The following EPHB1 variants were observed in gnomAD, a reference collection of about 807,000 sequenced individuals.
EPHB1 encodes the protein EPH receptor B1.
A neutral mutation model predicts 94.4 loss-of-function variants in EPHB1; 30 were observed. The observed-to-expected ratio is 0.32, with a 90% CI of 0.24 to 0.43. The LOEUF (loss-of-function observed/expected upper bound fraction) is 0.43. Among genes scored for constraint, EPHB1 ranks in the 20% least tolerant of loss-of-function variants. The pLI is 1.00. For missense variants in EPHB1, 1,055 were observed against 1,308.3 expected (o/e 0.81, Z 2.99); for synonymous variants, 522 against 489.1 (o/e 1.07, Z -0.89).
At chr3:135,255,504 A>T (rs1933341282) in intron 15 of EPHB1, among the ~76,000 whole-genome samples, 1 of 145,802 alleles carries the variant, frequency 6.9e-6, no homozygotes, top group Non-Finnish European at 1.5e-5. Context: ...CAGGTTGTTC[A>T]GTTTCCATGT....
chr3:135,062,896 C>A (rs767358815), intron 3 of EPHB1, among the ~76,000 whole-genome samples: 11 of 152,166 alleles, frequency 7.2e-5, no homozygotes, highest in Non-Finnish European at 1.6e-4. Context: ...CTTCATTCTC[C>A]TATATGTGGT....
rs1933008831 is a variant in EPHB1 at position 134,951,092 on chromosome 3, C to G, written c.124-279C>G. Among the ~76,000 whole-genome samples, 1 of 152,156 alleles carries G rather than the reference C, an allele frequency of 6.6e-6. No individual in the cohort carries two copies. Among genetic ancestry groups the G allele is most frequent in the South Asian group, 2.1e-4 (1 of 4,832 alleles). ...ATGTTGTCCCCATGGATGTAATAAG[C>G]TAGTCACAGAATGAGCATTATGGGT... On this transcript the variant is annotated intron_variant, in intron 2 of 15. Coordinates refer to ENST00000398015, the MANE Select transcript of EPHB1 (RefSeq NM_004441.5). The surrounding 1 kb of genome is among the most constrained non-coding windows in gnomAD (Gnocchi z 4.5).
intron 3 of EPHB1, among the ~76,000 whole-genome samples, chr3:135,043,496 C>T (rs753192559): frequency 6.6e-6 from 1 of 151,970 alleles, no homozygotes; most frequent in Non-Finnish European, 1.5e-5. Flanking sequence ...GGAGTGAAGT[C>T]TCTCCCCAGC....
intron 1 of EPHB1, among the ~76,000 whole-genome samples, chr3:134,851,032 T>C (rs778551577): frequency 1.3e-5 from 2 of 152,244 alleles, no homozygotes; most frequent in African/African-American, 2.4e-5. Flanking sequence ...GGTTGGACCA[T>C]TGCCTTCTTT....
intron 6 of EPHB1, among the ~76,000 whole-genome samples, chr3:135,155,586 T>G (rs1439257343): frequency 1.3e-5 from 2 of 151,826 alleles, no homozygotes; most frequent in Non-Finnish European, 2.9e-5. Context: ...GGCAGATCAG[T>G]GGCGCTCAGG....
At chr3:135,138,638 G>C (rs1309012848) in intron 5 of EPHB1, among the ~76,000 whole-genome samples, 3 of 152,066 alleles carry the variant, frequency 2.0e-5, no homozygotes, top group Non-Finnish European at 2.9e-5. Context: ...GGCAAAATTT[G>C]CTCCAACACA....
chr3:135,002,568 G>A (rs1935224327), intron 3 of EPHB1, among the ~76,000 whole-genome samples: 1 of 151,604 alleles, frequency 6.6e-6, no homozygotes, highest in African/African-American at 2.4e-5. Context: ...GTAGAATTTG[G>A]CTGTGAATCC....
intron 1 of EPHB1, among the ~76,000 whole-genome samples, chr3:134,903,030 C>T (rs1263898946): frequency 6.6e-6 from 1 of 152,222 alleles, no homozygotes; most frequent in Non-Finnish European, 1.5e-5. Flanking sequence ...CCGCAGGTTG[C>T]CCTTGCAGGC....
At chr3:135,020,651 A>G (rs1413078185) in intron 3 of EPHB1, among the ~76,000 whole-genome samples, 1 of 152,206 alleles carries the variant, frequency 6.6e-6, no homozygotes, top group Admixed American at 6.5e-5. Context: ...TTAAATTTTT[A>G]TGTATTGACT....
rs181735842 is a variant in EPHB1, at chr3:135,120,977, A to G, written c.962-11737A>G. Among the ~76,000 whole-genome samples the G allele has an allele frequency of 2.0e-5, 3 of 152,324 alleles. No individual in the cohort carries two copies. In the East Asian group the frequency reaches 5.8e-4, roughly 29 times the overall value. On this transcript the variant is annotated intron_variant, in intron 4 of 15. Coordinates refer to ENST00000398015, the MANE Select transcript of EPHB1 (RefSeq NM_004441.5). The stretch of plus-strand genomic sequence containing the variant: ...TGGTGGAGAGATAGGACTTCTGACC[A>G]TACAGTAGCCCAGAGGTTCCATCCT...
intron 1 of EPHB1, among the ~76,000 whole-genome samples, chr3:134,854,688 T>G (rs2037073844): frequency 6.6e-6 from 1 of 152,114 alleles, no homozygotes; most frequent in South Asian, 2.1e-4. Context: ...CTGATCAGGT[T>G]TTCCTCATCC....
intron 1 of EPHB1, among the ~76,000 whole-genome samples, chr3:134,812,036 G>A (rs2036189400): frequency 6.6e-6 from 1 of 152,216 alleles, no homozygotes; most frequent in East Asian, 1.9e-4. Context: ...AAGTACGGAC[G>A]GCTATGCCAG....
At chr3:135,031,664 T>A (rs1053626715) in intron 3 of EPHB1, among the ~76,000 whole-genome samples, 6 of 152,204 alleles carry the variant, frequency 3.9e-5, no homozygotes, top group African/African-American at 1.4e-4. Flanking sequence ...TTTCTTTTTC[T>A]TGTACTTTTT....
chr3:134,972,385 T>G (rs908062335), intron 3 of EPHB1, among the ~76,000 whole-genome samples: 1 of 146,298 alleles, frequency 6.8e-6, no homozygotes, highest in Non-Finnish European at 1.5e-5. Context: ...TATTTATATA[T>G]AAATATATAA....
At chr3:135,227,046 GA>G (rs1943420485) in intron 12 of EPHB1, among the ~76,000 whole-genome samples, 2 of 152,108 alleles carry the variant, frequency 1.3e-5, no homozygotes, top group South Asian at 4.1e-4. Context: ...GACATGGATT[GA>G]AAAATCCACT....
At chr3:134,944,016 AT>A (rs1232294767) in intron 2 of EPHB1, among the ~76,000 whole-genome samples, 3 of 152,120 alleles carry the variant, frequency 2.0e-5, no homozygotes, top group East Asian at 1.9e-4. Context: ...CAATTCAGTA[AT>A]TTTTTTGTAA....
At chr3:134,818,594 C>T (rs147087678) in intron 1 of EPHB1, among the ~76,000 whole-genome samples, 1 of 152,206 alleles carries the variant, frequency 6.6e-6, no homozygotes, top group East Asian at 1.9e-4. Context: ...CCTTTGCATC[C>T]TCATAGCTTA....
intron 3 of EPHB1, among the ~76,000 whole-genome samples, chr3:134,993,692 T>C (rs1026266239): frequency 1.3e-5 from 2 of 152,338 alleles, no homozygotes; most frequent in Admixed American, 6.5e-5. Context: ...CTCAGCCCAG[T>C]TGATTATGAG....
intron 7 of EPHB1, among the ~76,000 whole-genome samples, chr3:135,163,536 C>T (rs1941570052): frequency 6.6e-6 from 1 of 152,178 alleles, no homozygotes; most frequent in African/African-American, 2.4e-5. Flanking sequence ...ATGAAAAGAA[C>T]ACAGACTGTC....
Sources: allele counts gnomAD v4.1 joint callset (sites outside exome capture counted in the v4.1 genomes callset), GRCh38; gene constraint gnomAD v4.1.1; non-coding constraint Gnocchi (gnomAD v3.1); transcripts MANE v1.5; gene names NCBI Gene and HGNC (gene_info 2026-07-23, HGNC 2026-07-21).